Variants in ANKRD30BL observed in about 807,000 individuals in gnomAD.
ANKRD30BL encodes ankyrin repeat domain 30B like, also known as putative ankyrin repeat domain-containing protein 30B-like.
A neutral mutation model predicts 18.4 loss-of-function variants in ANKRD30BL; 20 were observed. That is an observed-to-expected ratio of 1.09 (90% CI 0.77 to 1.58). ANKRD30BL has a LOEUF of 1.58. Among genes scored for constraint, ANKRD30BL ranks in the 40% most tolerant of loss-of-function variants. The probability of loss-of-function intolerance (pLI) is 0.00; values close to 1 mark genes in which losing one functional copy is unlikely to be tolerated. For missense variants in ANKRD30BL, 224 were observed against 268.6 expected, an observed-to-expected ratio of 0.83 and a Z score of 1.16; for synonymous variants, 72 against 100.9, an observed-to-expected ratio of 0.71 and a Z score of 1.72.
At chr2:132,212,985 T>C (rs1218114631) in intron 1 of ANKRD30BL, among the ~76,000 whole-genome samples, 1 of 151,946 alleles carries the variant, frequency 6.6e-6, no homozygotes, top group African/African-American at 2.4e-5. Context: ...TATCTTCATA[T>C]AAAAACTAGA....
chr2:132,223,200 C>G (rs947827223), intron 1 of ANKRD30BL, among the ~76,000 whole-genome samples: 5 of 152,184 alleles, frequency 3.3e-5, no homozygotes, highest in Non-Finnish European at 7.4e-5. Context: ...TTTGATAGAG[C>G]AGTTTTGAAA....
intron 1 of ANKRD30BL, among the ~76,000 whole-genome samples, chr2:132,233,002 C>T (rs538260895): frequency 6.6e-6 from 1 of 152,206 alleles, no homozygotes; most frequent in Non-Finnish European, 1.5e-5. Context: ...AGAAACCCTA[C>T]AAGCCAGAAG....
chr2:132,188,023 A>G lies in ANKRD30BL; in HGVS notation n.442-30877T>C, dbSNP rs548132974. Among the ~76,000 whole-genome samples the G allele has an allele frequency of 1.2e-4, 18 of 152,338 alleles. No homozygotes were observed. In the East Asian group the frequency reaches 3.5e-3, roughly 29 times the overall value. On this transcript the variant is annotated intron_variant and non_coding_transcript_variant, in intron 1 of 4. Transcript: ENST00000470729. The stretch of plus-strand genomic sequence containing the variant: ...TGGCCTCCCAAAGTACTGGGATTAC[A>G]GTCGTGAGCCACTGTGCCCGGCCAG...
At chr2:132,254,633 C>T (rs1680770729) in intron 1 of ANKRD30BL, among the ~76,000 whole-genome samples, 2 of 152,204 alleles carry the variant, frequency 1.3e-5, no homozygotes, top group Admixed American at 6.5e-5. Context: ...AACAGGTTAC[C>T]CACATCTGCC....
chr2:132,154,975 C>T (rs1687862847), intron 3 of ANKRD30BL: 1 of 402,112 alleles, frequency 2.5e-6, no homozygotes, highest in Admixed American at 4.4e-5. Flanking sequence ...CTCTAGTTAT[C>T]TCCAAAAATC....
At chr2:132,172,633 A>G (rs1312184886) in intron 1 of ANKRD30BL, among the ~76,000 whole-genome samples, 1 of 151,584 alleles carries the variant, frequency 6.6e-6, no homozygotes, top group Non-Finnish European at 1.5e-5. Context: ...ATATCCACAT[A>G]TACTGATGTC....
intron 1 of ANKRD30BL, among the ~76,000 whole-genome samples, chr2:132,253,992 G>A (rs1680744262): frequency 6.6e-6 from 1 of 151,812 alleles, no homozygotes; most frequent in African/African-American, 2.4e-5. Context: ...AGTGGGACAG[G>A]GCACGATGAC....
chr2:132,170,577 T>G (rs1194179946), intron 1 of ANKRD30BL, among the ~76,000 whole-genome samples: 1 of 152,216 alleles, frequency 6.6e-6, no homozygotes, highest in African/African-American at 2.4e-5. Flanking sequence ...TTCTTGGGAT[T>G]TAATTGGACA....
upstream of ANKRD30BL, among the ~76,000 whole-genome samples, chr2:132,165,545 C>G (rs1478677738): frequency 1.5e-5 from 2 of 129,514 alleles, no homozygotes; most frequent in Admixed American, 1.6e-4. Context: ...GTTATATTGT[C>G]TCTAGTAAAA....
chr2:132,199,651 C>A (rs762693703), intron 1 of ANKRD30BL, among the ~76,000 whole-genome samples: 1 of 152,084 alleles, frequency 6.6e-6, no homozygotes, highest in African/African-American at 2.4e-5. Context: ...GGATTACAGG[C>A]ATCCACCACC....
At chr2:132,254,961 A>C (rs1680783302) in intron 1 of ANKRD30BL, among the ~76,000 whole-genome samples, 1 of 152,162 alleles carries the variant, frequency 6.6e-6, no homozygotes, top group African/African-American at 2.4e-5. Flanking sequence ...TGTTGAGTCA[A>C]ATTAAGCTGC....
chr2:132,250,038 A>G (rs1680610147), intron 1 of ANKRD30BL, among the ~76,000 whole-genome samples: 1 of 152,112 alleles, frequency 6.6e-6, no homozygotes, highest in Non-Finnish European at 1.5e-5. Context: ...CCCTCTGCAC[A>G]TTCTACAAAA....
chr2:132,181,461 C>A (rs1329019470), intron 1 of ANKRD30BL, among the ~76,000 whole-genome samples: 22 of 145,888 alleles, frequency 1.5e-4, no homozygotes, highest in African/African-American at 2.3e-4. Context: ...GACTCTGTTT[C>A]AAAAAAAAAA....
chr2:132,182,982 G>T (rs1362276765), intron 1 of ANKRD30BL, among the ~76,000 whole-genome samples: 1 of 151,892 alleles, frequency 6.6e-6, no homozygotes, highest in African/African-American at 2.4e-5. Context: ...TTATTGTAGT[G>T]AAAAATATAT....
intron 1 of ANKRD30BL, among the ~76,000 whole-genome samples, chr2:132,169,760 T>C (rs1321336237): frequency 1.3e-5 from 2 of 151,994 alleles, no homozygotes; most frequent in Non-Finnish European, 2.9e-5. Context: ...AGGTGAAACA[T>C]TGGTCAAGTC....
At chr2:132,254,069 C>G (rs572089168) in intron 1 of ANKRD30BL, among the ~76,000 whole-genome samples, 1 of 149,804 alleles carries the variant, frequency 6.7e-6, no homozygotes, top group South Asian at 2.1e-4. Flanking sequence ...CCCGCGCCCA[C>G]CGACACACAC....
intron 1 of ANKRD30BL, among the ~76,000 whole-genome samples, chr2:132,231,290 C>G (rs186079609): frequency 5.0e-4 from 76 of 152,192 alleles, no homozygotes; most frequent in African/African-American, 1.8e-3. Flanking sequence ...ATATTTGGAC[C>G]GCTTTGAGGC....
upstream of ANKRD30BL, among the ~76,000 whole-genome samples, chr2:132,166,702 TATTA>T (rs1688193450): frequency 6.6e-6 from 1 of 152,116 alleles, no homozygotes; most frequent in Non-Finnish European, 1.5e-5. Context: ...TTTTTTTCTT[TATTA>T]GTTTGTCTAA....
intron 1 of ANKRD30BL, among the ~76,000 whole-genome samples, chr2:132,207,087 A>G (rs1679225882): frequency 6.6e-6 from 1 of 152,106 alleles, no homozygotes; most frequent in South Asian, 2.1e-4. Context: ...AAATAATTTG[A>G]TTTCAAATTA....
Sources: gnomAD v4.1 joint callset for allele counts (sites outside exome capture counted in the v4.1 genomes callset) on GRCh38, gnomAD v4.1.1 for gene constraint, MANE v1.5 for transcripts, NCBI Gene and HGNC (gene_info 2026-07-23, HGNC 2026-07-21) for gene names.